WDR33: variants seen among roughly 807,000 people sequenced by gnomAD.
WDR33 encodes the protein pre-mRNA 3' end processing protein WDR33.
Under a neutral mutation model 164.9 loss-of-function variants are expected in WDR33, and 47 were observed. That is an observed-to-expected ratio of 0.29 (90% CI 0.23 to 0.36). The LOEUF (loss-of-function observed/expected upper bound fraction) is 0.36. Ranked by LOEUF, WDR33 falls within the 10% of genes least tolerant of loss-of-function variation. The probability of loss-of-function intolerance (pLI) is 1.00; values close to 1 mark genes in which losing one functional copy is unlikely to be tolerated. For synonymous variants in WDR33, 505 were observed against 589.0 expected (o/e 0.86, Z 2.06); for missense variants, 1,137 against 1,754.1 (o/e 0.65, Z 6.28).
chr2:127,729,128 C>T lies in WDR33; in HGVS notation c.725-2351G>A, dbSNP rs573498151. 1.6e-4 allele frequency among the ~76,000 whole-genome samples: 25 copies of T among 152,314 alleles called. 2 individuals carry two copies. In the South Asian group the frequency reaches 4.6e-3, roughly 28 times the overall value. On this transcript the variant is annotated intron_variant, in intron 7 of 21. Coordinates refer to ENST00000322313, the MANE Select transcript of WDR33 (RefSeq NM_018383.5). ...GATTCTTGGATGTAATTTTATTCAT[C>T]GCTGTTCTTAATAAAACGAATACTA...
rs778257121 is a variant in WDR33, at chr2:127,768,305, G to A, written c.274-12C>T. On this transcript the variant is annotated splice_polypyrimidine_tract_variant and intron_variant, in intron 3 of 21. Transcript: ENST00000322313. ...ATAGGTGGGACCAGCTACAAAAAAGGAAAATTGGGTTCTTAGAGCTCCTGA... is the reference window on the plus strand; with the variant it reads ...ATAGGTGGGACCAGCTACAAAAAAGAAAAATTGGGTTCTTAGAGCTCCTGA... 3.3e-6 allele frequency: 5 copies of A among 1,506,166 alleles called. No homozygotes were observed. Among genetic ancestry groups the A allele is most frequent in the South Asian group, 1.3e-5 (1 of 75,512 alleles). The allele number at this position is 1,506,166 out of a possible 1,614,324, so 93.3% of individuals were successfully genotyped here. A position where few individuals can be genotyped will look rare whatever the true frequency, so the allele number is the denominator to read the frequency against.
intron 4 of WDR33, among the ~76,000 whole-genome samples, chr2:127,765,643 A>T (rs1162095562): frequency 2.0e-5 from 3 of 152,150 alleles, no homozygotes; most frequent in Admixed American, 1.3e-4. Context: ...AGAACAACTC[A>T]AAGACTGAAT....
In WDR33 at chr2:127,701,685, T is replaced by C; in HGVS notation, c.*4638A>G. 1 of 1,299,274 alleles carries C rather than the reference T, an allele frequency of 7.7e-7. No individual in the cohort carries two copies. The highest frequency in any genetic ancestry group is 3.2e-5 in the East Asian group (1 of 31,190). 80.5% of individuals were successfully genotyped at this position (1,299,274 alleles called of 1,614,324 possible). On this transcript the variant is annotated 3_prime_UTR_variant, in exon 22 of 22. Transcript: ENST00000322313. ...GGGCCGCGCGGGCTTGCGCTGGACG[T>C]GGGCGCGGAGCCCTGCGGAGTCGGC...
intron 1 of WDR33, among the ~76,000 whole-genome samples, chr2:127,808,135 G>A (rs1573494844): frequency 6.6e-6 from 1 of 152,230 alleles, no homozygotes; most frequent in African/African-American, 2.4e-5. Flanking sequence ...TTGAGTTAAT[G>A]TTTAAAACTG....
intron 1 of WDR33, among the ~76,000 whole-genome samples, chr2:127,801,448 A>T (rs2104679997): frequency 6.6e-6 from 1 of 151,788 alleles, no homozygotes; most frequent in South Asian, 2.1e-4. Flanking sequence ...GATCACTTTG[A>T]GGCGAAGACC....
At chr2:127,754,603 T>C (rs893957911) in intron 7 of WDR33, among the ~76,000 whole-genome samples, 5 of 147,212 alleles carry the variant, frequency 3.4e-5, no homozygotes, top group Non-Finnish European at 5.9e-5. Context: ...TTTTTTTTTT[T>C]GTAGAAACAG....
At chr2:127,754,454 T>C (rs950636621) in intron 7 of WDR33, among the ~76,000 whole-genome samples, 2 of 152,162 alleles carry the variant, frequency 1.3e-5, no homozygotes, top group African/African-American at 4.8e-5. Flanking sequence ...GGTCTCCCTC[T>C]GTCATTCAGG....
rs1558919467 is a variant in WDR33, at chr2:127,711,782, T to TATATATATATATATATA, written c.3308+1800_3308+1801insTATATATATATATATAT. ...TATATATATATATATATATATATAT[T>TATATATATATATATATA]TTTTTTTTGAGACAGAGTCTCGCCC... On this transcript the variant is annotated intron_variant, in intron 18 of 21. Coordinates refer to ENST00000322313, the MANE Select transcript of WDR33 (RefSeq NM_018383.5). Among the ~76,000 whole-genome samples, 372 of 84,150 alleles carry TATATATATATATATATA rather than the reference T, an allele frequency of 4.4e-3. 1 individual carries two copies. The highest frequency in any genetic ancestry group is 6.3e-3 in the Non-Finnish European group (300 of 47,298). 55.2% of individuals were successfully genotyped at this position (84,150 alleles called of 152,430 possible). A position where few individuals can be genotyped will look rare whatever the true frequency, so the allele number is the denominator to read the frequency against.
At chr2:127,805,838 C>A (rs1025208324) in intron 1 of WDR33, among the ~76,000 whole-genome samples, 1 of 151,980 alleles carries the variant, frequency 6.6e-6, no homozygotes, top group Non-Finnish European at 1.5e-5. Flanking sequence ...TGATTTCATT[C>A]GTATTTAAAC....
In WDR33 at chr2:127,701,779, T is replaced by C; in HGVS notation, c.*4544A>G. ...CGGCTGGCGGCGGGCGGCGGGTGCC[T>C]GCTGCTGGCTGCACTGTGTTTCGGC... On this transcript the variant is annotated 3_prime_UTR_variant, in exon 22 of 22. Transcript: ENST00000322313. 4 of 1,434,912 alleles carry C rather than the reference T, an allele frequency of 2.8e-6. No individual in the cohort carries two copies. The highest frequency in any genetic ancestry group is 3.7e-6 in the Non-Finnish European group (4 of 1,094,834). The allele number at this position is 1,434,912 out of a possible 1,614,324, so 88.9% of individuals were successfully genotyped here. A position where few individuals can be genotyped will look rare whatever the true frequency, so the allele number is the denominator to read the frequency against.
At chr2:127,777,278 C>G (rs1050982224) in intron 1 of WDR33, among the ~76,000 whole-genome samples, 9 of 152,216 alleles carry the variant, frequency 5.9e-5, no homozygotes, top group African/African-American at 2.2e-4. Flanking sequence ...GCCTCAGGTA[C>G]AGCGCACAAT....
At chr2:127,782,611 C>T (rs908408684) in intron 1 of WDR33, among the ~76,000 whole-genome samples, 31 of 152,166 alleles carry the variant, frequency 2.0e-4, no homozygotes, top group African/African-American at 6.5e-4. Context: ...AAATATTAGA[C>T]GGGAATAAAT....
chr2:127,787,575 C>T (rs1688635625), intron 1 of WDR33, among the ~76,000 whole-genome samples: 1 of 102,974 alleles, frequency 9.7e-6, no homozygotes. Flanking sequence ...GGCGGCTGGC[C>T]GGGCAGAGGG....
Position 127,764,254 on chromosome 2 carries a change from T to C in WDR33, c.626+574A>G. 1.7e-6 allele frequency: 2 copies of C among 1,189,676 alleles called. No homozygotes were observed. The allele number at this position is 1,189,676 out of a possible 1,614,324, so 73.7% of individuals were successfully genotyped here. On this transcript the variant is annotated intron_variant, in intron 6 of 21. Transcript: ENST00000322313. This position sits in a 1 kb window ranked among gnomAD's most constrained non-coding sequence, Gnocchi z 6.2. ...TCAGAAGAAAAGTCCTAGAGTCTTC[T>C]TGACAATGATCTGCTTACAGCTGCA...
Position 127,724,910 on chromosome 2 carries a change from A to G in WDR33, c.1062T>C (p.Gly354=). ...ACCCAACATGCCAGAATAACAAAGA[A>G]CCATCAGACCCTCCACTGGCAAAAA... ...EGLFASGGSD[G]SLLFWHVGVE... The change falls in exon 10 of 22, where the codon GGT becomes GGC. Residue 354 remains glycine (G), a synonymous_variant. Transcript: ENST00000322313. This position sits in a 1 kb window ranked among gnomAD's most constrained non-coding sequence, Gnocchi z 4.8. 1 of 1,614,238 alleles carries G rather than the reference A, an allele frequency of 6.2e-7. No homozygotes were observed. Among genetic ancestry groups the G allele is most frequent in the East Asian group, 2.2e-5 (1 of 44,888 alleles).
intron 7 of WDR33, among the ~76,000 whole-genome samples, chr2:127,756,048 A>G (rs996875244): frequency 6.6e-6 from 1 of 152,158 alleles, no homozygotes; most frequent in African/African-American, 2.4e-5. Context: ...TACCATAAAA[A>G]AGTGGCCAGG....
intron 7 of WDR33, among the ~76,000 whole-genome samples, chr2:127,731,350 C>T (rs1686703978): frequency 6.7e-6 from 1 of 148,488 alleles, no homozygotes; most frequent in Admixed American, 6.7e-5. Context: ...TTTGGTGGCA[C>T]TCAGTGTTAA....
chr2:127,766,999 TCCAC>T, intron 4 of WDR33, among the ~76,000 whole-genome samples: 1 of 152,308 alleles, frequency 6.6e-6, no homozygotes, highest in East Asian at 1.9e-4. Context: ...CCGCAGGTGA[TCCAC>T]CCACTTCAGC....
chr2:127,720,115 G>A lies in WDR33; in HGVS notation c.1910C>T (p.Pro637Leu). 6.2e-7 allele frequency: 1 copy of A among 1,614,110 alleles called. No individual in the cohort carries two copies. The highest frequency in any genetic ancestry group is 8.5e-7 in the Non-Finnish European group (1 of 1,180,016). The part of the protein sequence containing the change: ...RPPGPQGQMG[P>L]QGPPLHQGGG... ...TCCCTGATGCAGTGGAGGACCTTGT[G>A]GTCCCATTTGTCCCTGGGGTCCAGG... The change falls in exon 16 of 22, where the codon CCA becomes CTA. Residue 637 changes from proline (P) to leucine (L), a missense_variant. Around this residue, in one of 9 missense-constraint regions of WDR33, gnomAD observed 867 missense variants for 1,073.0 expected, o/e 0.81. Coordinates refer to ENST00000322313, the MANE Select transcript of WDR33 (RefSeq NM_018383.5). This position sits in a 1 kb window ranked among gnomAD's most constrained non-coding sequence, Gnocchi z 5.9.
Sources: gnomAD v4.1 joint callset for allele counts (sites outside exome capture counted in the v4.1 genomes callset) on GRCh38, gnomAD v4.1.1 for gene constraint, gnomAD v4.1.1 regional missense constraint, Gnocchi (gnomAD v3.1) non-coding constraint, MANE v1.5 for transcripts, NCBI Gene and HGNC (gene_info 2026-07-23, HGNC 2026-07-21) for gene names.